The following MYO19 variants were observed in gnomAD, a reference collection of about 807,000 sequenced individuals.
MYO19 encodes myosin XIX, also known as unconventional myosin-XIX.
MYO19 carries 132 observed loss-of-function variants against 129.2 expected under a neutral mutation model. The observed-to-expected ratio is 1.02, with a 90% CI of 0.89 to 1.18. The LOEUF (loss-of-function observed/expected upper bound fraction) is 1.18, where lower values mean the gene tolerates loss of function less well. Ranked by LOEUF, MYO19 falls within the 50% of genes most tolerant of loss-of-function variation. MYO19 has a pLI of 0.00. For missense variants in MYO19, 1,210 were observed against 1,216.7 expected (o/e 0.99, Z 0.08); for synonymous variants, 531 against 477.2 (o/e 1.11, Z -1.47).
chr17:36,506,740 G>A, intron 17 of MYO19, 132 bp from the exon 18 acceptor site: 1 of 1,202,498 alleles, frequency 8.3e-7, no homozygotes, highest in Non-Finnish European at 1.1e-6. Flanking sequence ...AAGGTCCATT[G>A]GACAACCAGA....
chr17:36,535,521 T>TGGCGGGTGCAGCGGCAG (rs1160792591), upstream of MYO19: 2 of 152,206 alleles, frequency 1.3e-5, no homozygotes, highest in African/African-American at 4.8e-5. Context: ...CCGCGTGGTT[T>TGGCGGGTGCAGCGGCAG]GGCGGGTGCA....
At chr17:36,538,049 C>T, upstream of MYO19, 10 of 1,614,146 alleles carry the variant, frequency 6.2e-6, no homozygotes, top group Non-Finnish European at 8.5e-6. Context: ...TGGCAATACA[C>T]ATGGCTGGTG....
At chr17:36,523,939 G>A (rs2073303774) in intron 6 of MYO19, among the ~76,000 whole-genome samples, 1 of 152,154 alleles carries the variant, frequency 6.6e-6, no homozygotes, top group South Asian at 2.1e-4. Context: ...TTCTTTATAA[G>A]CCTTGTAGTA....
At position 36,495,950 on chromosome 17, in the gene MYO19, TGACA is replaced by T. The variant is rs775668434; in HGVS notation, c.*297_*300del. On this transcript the variant is annotated 3_prime_UTR_variant, in exon 26 of 26. Coordinates refer to ENST00000614623, the MANE Select transcript of MYO19 (RefSeq NM_001163735.2). ...TGTGGAATTGGGATCCCCAGTGTAG[TGACA>T]GACAGTCATGACTGCTGCTGAGTTT... 124 of 961,816 alleles carry T rather than the reference TGACA, an allele frequency of 1.3e-4. No homozygotes were observed. The highest frequency in any genetic ancestry group is 3.5e-4 in the Admixed American group (9 of 25,598). 59.6% of individuals were successfully genotyped at this position (961,816 alleles called of 1,614,324 possible).
rs546491076 is a variant in MYO19 at position 36,498,984 on chromosome 17, A to G, written c.2463+91T>C. 3.8e-6 allele frequency: 4 copies of G among 1,050,934 alleles called. No individual in the cohort carries two copies. The African/African-American group carries it at 6.3e-5, about 16-fold the overall frequency. 65.1% of individuals were successfully genotyped at this position (1,050,934 alleles called of 1,614,324 possible). A position where few individuals can be genotyped will look rare whatever the true frequency, so the allele number is the denominator to read the frequency against. On this transcript the variant is annotated intron_variant, in intron 24 of 25. Coordinates refer to ENST00000614623, the MANE Select transcript of MYO19 (RefSeq NM_001163735.2). ...AAACAACCTGCCCAAGGCCACCTGC[A>G]TTGCAGTGGCAGAGCCAGCATTCCC...
In MYO19 at chr17:36,503,184, A is replaced by G. The variant is rs1445162161; in HGVS notation, c.1993T>C (p.Phe665Leu). ...GFPIRVSHRN[F>L]VERYKLLRRL... ...CTTAGTAACTTGTATCGTTCTACAA[A>G]GTTTCGGTGAGAGACCCTGGAGGCC... is the stretch of plus-strand genomic sequence containing the variant. The change falls in exon 21 of 26, where the codon TTT (phenylalanine) becomes CTT (leucine). Residue 665 changes from phenylalanine (F) to leucine (L), a missense_variant. Coordinates refer to ENST00000614623, the MANE Select transcript of MYO19 (RefSeq NM_001163735.2). The G allele has an allele frequency of 1.2e-6, 2 of 1,613,922 alleles. No individual in the cohort carries two copies. Among genetic ancestry groups the G allele is most frequent in the South Asian group, 1.1e-5 (1 of 91,086 alleles).
rs769020700 is a variant in MYO19 at position 36,525,974 on chromosome 17, A to G, written c.301-633T>C. ...CAGGACAGACTGCCCCTGGATTCCA[A>G]CTGGATACCTCATCACGCATGAACT... On this transcript the variant is annotated intron_variant, in intron 5 of 25. Transcript: ENST00000614623. Among the ~76,000 whole-genome samples the G allele has an allele frequency of 2.8e-4, 43 of 152,198 alleles. 1 individual carries two copies. The highest frequency in any genetic ancestry group is 6.5e-5 in the Admixed American group (1 of 15,280).
intron 1 of MYO19, chr17:36,543,012 G>A (rs1281736424): frequency 4.0e-5 from 6 of 151,716 alleles, no homozygotes; most frequent in African/African-American, 7.3e-5. Flanking sequence ...CGCCGCCCCC[G>A]TCCTGGTTTT....
In MYO19 at chr17:36,515,097, C is replaced by A. The variant is rs1175190299; in HGVS notation, c.617+16G>T. ...AGTCCCATCCTCCCACTAGCCAGGG[C>A]AACAGCAGCTATTACCTGTTCAGCT... On this transcript the variant is annotated intron_variant, in intron 8 of 25. Transcript: ENST00000614623. 11 of 1,596,698 alleles carry A rather than the reference C, an allele frequency of 6.9e-6. No individual in the cohort carries two copies. Among genetic ancestry groups the A allele is most frequent in the Middle Eastern group, 1.7e-4 (1 of 6,036 alleles).
intron 18 of MYO19, 143 bp from the exon 19 acceptor site, chr17:36,505,547 T>C (rs1172927135): frequency 1.8e-5 from 11 of 626,424 alleles, no homozygotes; most frequent in Non-Finnish European, 2.8e-5. Flanking sequence ...CAGGGATGAC[T>C]GCTGCAGGCT....
At chr17:36,533,811 C>T (rs2073969319) in intron 2 of MYO19, 142 bp downstream of exon 2, 1 of 152,270 alleles carries the variant, frequency 6.6e-6, no homozygotes, top group Admixed American at 6.5e-5. Flanking sequence ...GGCAGCACAA[C>T]AGGTTTGGGG....
At chr17:36,518,189 A>T (rs2072884964) in intron 6 of MYO19, among the ~76,000 whole-genome samples, 1 of 151,878 alleles carries the variant, frequency 6.6e-6, no homozygotes, top group Non-Finnish European at 1.5e-5. Flanking sequence ...ATTTCAGACA[A>T]GGCTGGACAC....
exon 1 of MYO19, chr17:36,543,409 C>T (rs1452319792): frequency 6.6e-6 from 1 of 152,292 alleles, no homozygotes; most frequent in African/African-American, 2.4e-5. Context: ...CCCACCTCGC[C>T]TCCTAAAGTG....
chr17:36,503,045 A>ATATC, intron 21 of MYO19, 52 bp downstream of exon 21: 1 of 1,448,564 alleles, frequency 6.9e-7, no homozygotes, highest in Non-Finnish European at 9.7e-7. Context: ...CACAGGGTAG[A>ATATC]TGCTCAGTAA....
chr17:36,530,376 A>G (rs1008750840), intron 3 of MYO19, among the ~76,000 whole-genome samples: 19 of 152,202 alleles, frequency 1.2e-4, no homozygotes, highest in African/African-American at 4.3e-4. Flanking sequence ...TCACAAGCAC[A>G]AAAACACACG....
chr17:36,530,770 A>G (rs1242565949), intron 3 of MYO19, among the ~76,000 whole-genome samples: 3 of 152,144 alleles, frequency 2.0e-5, no homozygotes, highest in Admixed American at 2.0e-4. Context: ...ACAGGCATGC[A>G]CCACCATACC....
intron 3 of MYO19, among the ~76,000 whole-genome samples, chr17:36,528,421 G>A (rs2073622793): frequency 1.3e-5 from 2 of 151,946 alleles, no homozygotes; most frequent in East Asian, 1.9e-4. Flanking sequence ...TGAGGCAGGA[G>A]AATGGCGTGA....
chr17:36,495,954 A>C lies in MYO19; in HGVS notation c.*297T>G. ...GAATTGGGATCCCCAGTGTAGTGAC[A>C]GACAGTCATGACTGCTGCTGAGTTT... On this transcript the variant is annotated 3_prime_UTR_variant, in exon 26 of 26. Coordinates refer to ENST00000614623, the MANE Select transcript of MYO19 (RefSeq NM_001163735.2). 1 of 950,040 alleles carries C rather than the reference A, an allele frequency of 1.1e-6. No homozygotes were observed. Among genetic ancestry groups the C allele is most frequent in the Non-Finnish European group, 1.4e-6 (1 of 722,720 alleles). The allele number at this position is 950,040 out of a possible 1,614,324, so 58.9% of individuals were successfully genotyped here. A position where few individuals can be genotyped will look rare whatever the true frequency, so the allele number is the denominator to read the frequency against.
Position 36,499,282 on chromosome 17 carries a change from T to C in MYO19, c.2378-122A>G, listed in dbSNP as rs371112561. ...TTCAAATACGTTTTTTTTTTTTCAA[T>C]AAATTGCTACAAATAAGGTTCTAAA... On this transcript the variant is annotated intron_variant, in intron 23 of 25. Transcript: ENST00000614623. The C allele has an allele frequency of 4.7e-6, 3 of 640,832 alleles. No individual in the cohort carries two copies. The East Asian group carries it at 9.4e-5, about 20-fold the overall frequency. The allele number at this position is 640,832 out of a possible 1,614,324, so 39.7% of individuals were successfully genotyped here.
Sources: gnomAD v4.1 joint callset for allele counts (sites outside exome capture counted in the v4.1 genomes callset) on GRCh38, gnomAD v4.1.1 for gene constraint, MANE v1.5 for transcripts, NCBI Gene and HGNC (gene_info 2026-07-23, HGNC 2026-07-21) for gene names.